The following SGCD variants were observed in gnomAD, a reference collection of about 807,000 sequenced individuals.
SGCD encodes the protein sarcoglycan delta, also known as delta-sarcoglycan.
In SGCD, 18 loss-of-function variants were observed where a neutral mutation model predicts 36.6. That is an observed-to-expected ratio of 0.49 (90% CI 0.34 to 0.73). SGCD has a LOEUF of 0.73. Among genes scored for constraint, SGCD ranks in the 30% least tolerant of loss-of-function variants. The pLI, the probability that SGCD is intolerant of heterozygous loss-of-function variation, is 0.01. For synonymous variants in SGCD, 133 were observed against 130.6 expected, an observed-to-expected ratio of 1.02 and a Z score of -0.12; for missense variants, 387 against 346.7, an observed-to-expected ratio of 1.12 and a Z score of -0.92.
chr5:155,791,732 C>T, the SGCD span, among the ~76,000 whole-genome samples: 1 of 152,038 alleles, frequency 6.6e-6, no homozygotes, highest in Non-Finnish European at 1.5e-5. Context: ...AGGAGAACTA[C>T]AAAACACTAC....
intron 6 of SGCD, among the ~76,000 whole-genome samples, chr5:156,626,398 G>C (rs1225243632): frequency 1.3e-5 from 2 of 152,212 alleles, no homozygotes; most frequent in African/African-American, 4.8e-5. Context: ...GTATGGCCCA[G>C]CTATCTCTCT....
chr5:156,332,731 A>G (rs1452924665), intron 2 of SGCD, among the ~76,000 whole-genome samples: 1 of 152,204 alleles, frequency 6.6e-6, no homozygotes, highest in East Asian at 1.9e-4. Flanking sequence ...GAACCACCTC[A>G]TCGGATTATA....
At chr5:156,605,556 A>G (rs1761402482) in intron 6 of SGCD, among the ~76,000 whole-genome samples, 1 of 152,248 alleles carries the variant, frequency 6.6e-6, no homozygotes, top group African/African-American at 2.4e-5. Context: ...TCCTTTGGGT[A>G]TATACCCAGT....
At chr5:155,976,850 C>T (rs1210172252) in intron 1 of SGCD, among the ~76,000 whole-genome samples, 1 of 152,124 alleles carries the variant, frequency 6.6e-6, no homozygotes, top group Non-Finnish European at 1.5e-5. Context: ...CACATCTCTC[C>T]AAGCCTGCAA....
intron 3 of SGCD, among the ~76,000 whole-genome samples, chr5:156,398,061 T>A (rs1271849974): frequency 1.3e-5 from 2 of 152,204 alleles, no homozygotes; most frequent in Non-Finnish European, 2.9e-5. Context: ...TGGATACATC[T>A]CCCCTGAGGC....
At chr5:156,082,401 C>T (rs924706546) in intron 1 of SGCD, among the ~76,000 whole-genome samples, 3 of 152,072 alleles carry the variant, frequency 2.0e-5, no homozygotes, top group Non-Finnish European at 4.4e-5. Context: ...AGCCCCTTAC[C>T]CTCTATACCT....
At chr5:156,752,635 C>A (rs1757189133) in intron 7 of SGCD, among the ~76,000 whole-genome samples, 2 of 152,204 alleles carry the variant, frequency 1.3e-5, no homozygotes, top group Non-Finnish European at 1.5e-5. Context: ...CTCAGGTGAT[C>A]CACCCGCCTT....
At chr5:156,072,674 G>A (rs1760619102) in intron 1 of SGCD, among the ~76,000 whole-genome samples, 1 of 152,106 alleles carries the variant, frequency 6.6e-6, no homozygotes, top group Admixed American at 6.6e-5. Context: ...CTGAATGTTG[G>A]CCTGCCTTGC....
intron 3 of SGCD, among the ~76,000 whole-genome samples, chr5:156,310,770 T>C (rs1767372569): frequency 6.6e-6 from 1 of 152,216 alleles, no homozygotes; most frequent in Non-Finnish European, 1.5e-5. Context: ...TGCAATCCAG[T>C]GTTCAAAAAT....
At chr5:155,852,606 C>A in the SGCD span, among the ~76,000 whole-genome samples, 2 of 152,060 alleles carry the variant, frequency 1.3e-5, no homozygotes, top group Admixed American at 1.3e-4. Flanking sequence ...TGAATTTCTC[C>A]TGCAGTAGAA....
At chr5:156,286,823 T>TA (rs796869004) in intron 3 of SGCD, among the ~76,000 whole-genome samples, 1,856 of 142,738 alleles carry the variant, frequency 0.013, 17 homozygotes, top group South Asian at 0.022. Flanking sequence ...TAAAGTATAA[T>TA]AAAAAAAAAA....
intron 3 of SGCD, among the ~76,000 whole-genome samples, chr5:156,154,804 T>G (rs1239754697): frequency 6.6e-6 from 1 of 151,666 alleles, no homozygotes; most frequent in Non-Finnish European, 1.5e-5. Flanking sequence ...AAGTATTTTT[T>G]TCACCCAGTC....
At chr5:156,217,367 T>G (rs73300692) in intron 3 of SGCD, among the ~76,000 whole-genome samples, 2,242 of 152,322 alleles carry the variant, frequency 0.015, 62 homozygotes, top group African/African-American at 0.052. Context: ...CTAATCTTTC[T>G]AAGAATTACA....
chr5:155,812,336 G>A, the SGCD span, among the ~76,000 whole-genome samples: 1 of 152,174 alleles, frequency 6.6e-6, no homozygotes, highest in African/African-American at 2.4e-5. Flanking sequence ...CTCCCTGACT[G>A]CACGTCCATT....
chr5:155,759,710 T>C, the SGCD span, among the ~76,000 whole-genome samples: 1 of 152,230 alleles, frequency 6.6e-6, no homozygotes. Flanking sequence ...AAATTTATTA[T>C]TGATTAGTAA....
At chr5:155,811,007 C>A in the SGCD span, among the ~76,000 whole-genome samples, 9 of 147,368 alleles carry the variant, frequency 6.1e-5, no homozygotes, top group African/African-American at 2.3e-4. Context: ...TTAGTAGAGA[C>A]GGGGTTTCAC....
intron 3 of SGCD, among the ~76,000 whole-genome samples, chr5:156,202,160 G>T (rs967753892): frequency 6.6e-6 from 1 of 152,166 alleles, no homozygotes; most frequent in South Asian, 2.1e-4. Flanking sequence ...GGCCTTTGCC[G>T]TTAAAGTGAT....
At chr5:156,550,049 A>G (rs758843174) in intron 4 of SGCD, among the ~76,000 whole-genome samples, 5 of 152,218 alleles carry the variant, frequency 3.3e-5, no homozygotes, top group Non-Finnish European at 7.3e-5. Flanking sequence ...CACAAATGGA[A>G]AAACTGATGT....
chr5:156,232,972 T>C (rs1398232485), intron 3 of SGCD, among the ~76,000 whole-genome samples: 2 of 152,202 alleles, frequency 1.3e-5, no homozygotes, highest in African/African-American at 4.8e-5. Flanking sequence ...TAGTGTATGG[T>C]AGCTAGAGAT....
Sources: allele counts gnomAD v4.1 joint callset (sites outside exome capture counted in the v4.1 genomes callset), GRCh38; gene constraint gnomAD v4.1.1; transcripts MANE v1.5; gene names NCBI Gene and HGNC (gene_info 2026-07-23, HGNC 2026-07-21).